Variants in NEMF observed in about 807,000 individuals in gnomAD.
The protein encoded by NEMF is ribosome quality control complex subunit NEMF.
A neutral mutation model predicts 162.2 loss-of-function variants in NEMF; 89 were observed. The ratio of observed to expected loss-of-function variants is 0.55; its 90% CI spans 0.46 to 0.65. The LOEUF is 0.65. NEMF is among the 30% of genes least tolerant of loss of function. NEMF has a pLI of 0.00. For synonymous variants in NEMF, 421 were observed against 404.5 expected, an observed-to-expected ratio of 1.04 and a Z score of -0.49; for missense variants, 1,133 against 1,261.9, an observed-to-expected ratio of 0.90 and a Z score of 1.55.
Position 49,783,342 on chromosome 14 carries a change from T to C in NEMF, c.*1294A>G, listed in dbSNP as rs1890003461. The C allele has an allele frequency of 6.6e-6, 1 of 150,952 alleles. No homozygotes were observed. The highest frequency in any genetic ancestry group is 2.5e-5 in the African/African-American group (1 of 40,650). 9.4% of individuals were successfully genotyped at this position (150,952 alleles called of 1,614,324 possible). ...AAGAGTAGTCTATAGTTATGTAACC[T>C]AGTGTTGTAAATACAATATAATAAA... is the stretch of plus-strand genomic sequence containing the variant. On this transcript the variant is annotated 3_prime_UTR_variant, in exon 33 of 33. Coordinates refer to ENST00000298310, the MANE Select transcript of NEMF (RefSeq NM_004713.6).
chr14:49,817,171 G>A (rs952592212), intron 16 of NEMF, among the ~76,000 whole-genome samples: 1 of 152,270 alleles, frequency 6.6e-6, no homozygotes, highest in African/African-American at 2.4e-5. Flanking sequence ...GGCCAGGCGC[G>A]GTGGCTTATG....
intron 18 of NEMF, among the ~76,000 whole-genome samples, chr14:49,813,662 G>GGGGGGTGT (rs892212697): frequency 2.0e-5 from 3 of 148,570 alleles, no homozygotes; most frequent in African/African-American, 7.5e-5. Flanking sequence ...TTTTTTATTA[G>GGGGGGTGT]GTGTGTGTGT....
chr14:49,835,144 G>A (rs377276267), intron 6 of NEMF, among the ~76,000 whole-genome samples: 23 of 150,170 alleles, frequency 1.5e-4, no homozygotes, highest in South Asian at 1.3e-3. Flanking sequence ...AGGCTGTGGC[G>A]AGCCAAGATC....
At chr14:49,841,035 A>G (rs927463366) in intron 4 of NEMF, among the ~76,000 whole-genome samples, 169 bp from the exon 5 acceptor site, 1 of 151,758 alleles carries the variant, frequency 6.6e-6, no homozygotes, top group Non-Finnish European at 1.5e-5. Flanking sequence ...CATCTCTACT[A>G]AAAATACAAA....
chr14:49,809,872 G>A lies in NEMF; in HGVS notation c.1745-3739C>T, dbSNP rs746494736. Among the ~76,000 whole-genome samples the A allele has an allele frequency of 1.7e-4, 26 of 151,668 alleles. 1 individual carries two copies. Among genetic ancestry groups the A allele is most frequent in the Middle Eastern group, 3.2e-3 (1 of 312 alleles). The stretch of plus-strand genomic sequence containing the variant: ...CGAGACTCTGTCTCAAAAAAAGAGA[G>A]TGAACTCTAATGCAAACTATGGACT... On this transcript the variant is annotated intron_variant, in intron 18 of 32. Transcript: ENST00000298310.
intron 22 of NEMF, among the ~76,000 whole-genome samples, chr14:49,801,680 A>C (rs1490253467): frequency 6.6e-6 from 1 of 152,198 alleles, no homozygotes. Context: ...TATTTTCCCT[A>C]GTTTCCTCAG....
At chr14:49,828,987 T>C in intron 13 of NEMF, 67 bp downstream of exon 13, 1 of 1,466,366 alleles carries the variant, frequency 6.8e-7, no homozygotes, top group South Asian at 1.3e-5. Flanking sequence ...AAATGTTTAA[T>C]ACAGTGAACA....
At chr14:49,820,850 C>T (rs1891973936) in intron 16 of NEMF, among the ~76,000 whole-genome samples, 3 of 152,082 alleles carry the variant, frequency 2.0e-5, no homozygotes, top group Admixed American at 2.0e-4. Flanking sequence ...CAGCTCCTAA[C>T]CACGAGTGAT....
At chr14:49,842,038 G>A (rs746821465) in intron 4 of NEMF, among the ~76,000 whole-genome samples, 27 of 151,938 alleles carry the variant, frequency 1.8e-4, no homozygotes, top group Non-Finnish European at 3.5e-4. Flanking sequence ...CTGGGAGGCG[G>A]AGGTTGCTGT....
At chr14:49,801,206 T>C (rs984164585) in intron 22 of NEMF, 2 of 155,856 alleles carry the variant, frequency 1.3e-5, no homozygotes, top group Admixed American at 6.4e-5. Flanking sequence ...ATAATGTAAA[T>C]AGGCCAGGTG....
intron 3 of NEMF, among the ~76,000 whole-genome samples, chr14:49,850,712 CAA>C (rs200733024): frequency 3.7e-5 from 5 of 133,726 alleles, no homozygotes; most frequent in Non-Finnish European, 1.6e-5. Flanking sequence ...GTGAGTATTC[CAA>C]AAAAAAAAAA....
intron 10 of NEMF, among the ~76,000 whole-genome samples, 179 bp downstream of exon 10, chr14:49,831,872 G>A (rs1892655628): frequency 6.6e-6 from 1 of 152,174 alleles, no homozygotes; most frequent in Non-Finnish European, 1.5e-5. Flanking sequence ...CCTTCATCCT[G>A]AAATAAAGTG....
intron 18 of NEMF, among the ~76,000 whole-genome samples, chr14:49,812,054 G>GT (rs1891504533): frequency 6.6e-6 from 1 of 152,004 alleles, no homozygotes; most frequent in African/African-American, 2.4e-5. Flanking sequence ...TCTTTGATGA[G>GT]TATTTTTTTA....
At chr14:49,814,632 A>C in intron 17 of NEMF, 122 bp downstream of exon 17, 4 of 577,002 alleles carry the variant, frequency 6.9e-6, no homozygotes, top group Non-Finnish European at 1.2e-5. Context: ...ATCATGCATC[A>C]AATCTTTCTA....
At chr14:49,795,734 A>T (rs544857807) in intron 26 of NEMF, 57 bp downstream of exon 26, 1 of 1,512,858 alleles carries the variant, frequency 6.6e-7, no homozygotes, top group Non-Finnish European at 9.0e-7. Context: ...ACTTTAAAAA[A>T]TTAAAAAGGA....
At chr14:49,843,575 G>A (rs1001785740) in intron 4 of NEMF, among the ~76,000 whole-genome samples, 2 of 152,202 alleles carry the variant, frequency 1.3e-5, no homozygotes, top group East Asian at 3.8e-4. Flanking sequence ...TCTAAGAAAT[G>A]CATTTAGGCA....
At position 49,832,216 on chromosome 14, in the gene NEMF, T is replaced by C. The variant is rs1188475418; in HGVS notation, c.797A>G (p.Asp266Gly). Residue 266 changes from aspartate (D) to glycine (G), a missense_variant, in exon 9 of 33, where the codon GAC becomes GGC. Asp to Gly is a moderately conservative substitution (Grantham distance 94). Around this residue, in one of 3 missense-constraint regions of NEMF, gnomAD observed 582 missense variants for 631.5 expected, o/e 0.92. Coordinates refer to ENST00000298310, the MANE Select transcript of NEMF (RefSeq NM_004713.6). ...ATGCCTATATGCTTACGTCAGTATG[T>C]CTTCAACTGGTTTATCTGCTTCCAA... Reference protein sequence around the residue: ...PSLEADKPVEDILTYEEFHPF... With the variant: ...PSLEADKPVEGILTYEEFHPF... 1 of 1,610,158 alleles carries C rather than the reference T, an allele frequency of 6.2e-7. No homozygotes were observed. Among genetic ancestry groups the C allele is most frequent in the East Asian group, 2.2e-5 (1 of 44,846 alleles).
At chr14:49,797,332 T>TA (rs749900237) in intron 25 of NEMF, 1,870 of 139,144 alleles carry the variant, frequency 0.013, 27 homozygotes, top group African/African-American at 0.04. Flanking sequence ...GACCTGCTAT[T>TA]AAAAAAAAAA....
intron 29 of NEMF, 196 bp from the exon 30 acceptor site, chr14:49,785,516 C>G (rs1890129695): frequency 3.8e-6 from 2 of 521,672 alleles, no homozygotes; most frequent in African/African-American, 3.8e-5. Flanking sequence ...ATATTCTTTA[C>G]TACTTAATTT....
Sources: allele counts gnomAD v4.1 joint callset (sites outside exome capture counted in the v4.1 genomes callset), GRCh38; gene constraint gnomAD v4.1.1; regional missense constraint gnomAD v4.1.1; transcripts MANE v1.5; gene names NCBI Gene and HGNC (gene_info 2026-07-23, HGNC 2026-07-21).